The following KCNH1 variants were observed in gnomAD, a reference collection of about 807,000 sequenced individuals.
The protein encoded by KCNH1 is potassium voltage-gated channel subfamily H member 1.
In KCNH1, 27 loss-of-function variants were observed where a neutral mutation model predicts 69.2. The observed-to-expected ratio is 0.39, with a 90% CI of 0.29 to 0.54. The LOEUF (loss-of-function observed/expected upper bound fraction) is 0.54. KCNH1 is among the 20% of genes least tolerant of loss of function. The pLI is 0.68. For synonymous variants in KCNH1, 456 were observed against 487.7 expected (o/e 0.93, Z 0.86); for missense variants, 798 against 1,261.6 (o/e 0.63, Z 5.57).
At chr1:210,932,627 G>A (rs1687698411) in intron 6 of KCNH1, among the ~76,000 whole-genome samples, 1 of 151,798 alleles carries the variant, frequency 6.6e-6, no homozygotes, top group African/African-American at 2.4e-5. Context: ...CACTTCACCT[G>A]TAAAAACACA....
At chr1:210,794,655 A>G (rs1934613) in intron 9 of KCNH1, among the ~76,000 whole-genome samples, 26,854 of 152,162 alleles carry the variant, frequency 0.18, 2,557 homozygotes, top group African/African-American at 0.25. Flanking sequence ...CTAGGTGTTC[A>G]AACCAACTCC....
chr1:210,961,394 C>G (rs184934023), intron 6 of KCNH1, among the ~76,000 whole-genome samples: 1 of 151,384 alleles, frequency 6.6e-6, no homozygotes, highest in African/African-American at 2.4e-5. Flanking sequence ...CTAATTTTTT[C>G]TTCTCTATTT....
intron 10 of KCNH1, among the ~76,000 whole-genome samples, chr1:210,739,107 T>G (rs1034633798): frequency 6.6e-6 from 1 of 152,230 alleles, no homozygotes; most frequent in African/African-American, 2.4e-5. Context: ...TCTACTGATA[T>G]TCTAGGAATG....
At chr1:211,112,727 A>C (rs1029158817) in intron 1 of KCNH1, among the ~76,000 whole-genome samples, 2 of 152,146 alleles carry the variant, frequency 1.3e-5, no homozygotes, top group Non-Finnish European at 1.5e-5. Context: ...CCATGATAGA[A>C]GGTCTAGGAA....
At chr1:211,021,889 G>A (rs994746680) in intron 5 of KCNH1, among the ~76,000 whole-genome samples, 2 of 152,060 alleles carry the variant, frequency 1.3e-5, no homozygotes, top group African/African-American at 4.8e-5. Flanking sequence ...TTATTACAAT[G>A]TGCAATTACC....
At chr1:211,106,160 A>T (rs1217061833) in intron 2 of KCNH1, among the ~76,000 whole-genome samples, 1 of 152,190 alleles carries the variant, frequency 6.6e-6, no homozygotes, top group Non-Finnish European at 1.5e-5. Flanking sequence ...GAATGATTCC[A>T]CTTCATGCAA....
At chr1:210,820,548 TGCTTGAACCCAG>T (rs1418935055) in intron 7 of KCNH1, among the ~76,000 whole-genome samples, 1 of 152,034 alleles carries the variant, frequency 6.6e-6, no homozygotes, top group East Asian at 1.9e-4. Context: ...GCAGGAGAAT[TGCTTGAACCCAG>T]GAGGCAGAGG....
intron 7 of KCNH1, among the ~76,000 whole-genome samples, chr1:210,852,293 G>C (rs990833440): frequency 6.6e-6 from 1 of 152,214 alleles, no homozygotes; most frequent in African/African-American, 2.4e-5. Context: ...AAGCTCAAGT[G>C]TTTGGAGCTG....
chr1:210,734,742 C>T (rs559005199), intron 10 of KCNH1, among the ~76,000 whole-genome samples: 1 of 152,062 alleles, frequency 6.6e-6, no homozygotes, highest in South Asian at 2.1e-4. Flanking sequence ...TGATGGCTGA[C>T]CTGCTCATGG....
At chr1:210,747,872 T>C (rs1453184920) in intron 10 of KCNH1, among the ~76,000 whole-genome samples, 1 of 152,210 alleles carries the variant, frequency 6.6e-6, no homozygotes, top group Non-Finnish European at 1.5e-5. Context: ...AGCTGCACCA[T>C]GTAATAAATA....
chr1:210,693,920 G>A (rs151032121), intron 10 of KCNH1, among the ~76,000 whole-genome samples: 4 of 152,286 alleles, frequency 2.6e-5, no homozygotes, highest in African/African-American at 7.2e-5. Flanking sequence ...ATGGAAGCAT[G>A]TGCAAACCAC....
intron 7 of KCNH1, among the ~76,000 whole-genome samples, chr1:210,834,053 G>A (rs1337729499): frequency 6.6e-6 from 1 of 152,184 alleles, no homozygotes; most frequent in Non-Finnish European, 1.5e-5. Context: ...TGGACAGGAT[G>A]TGGAGAAATA....
chr1:211,035,196 G>A (rs377748264), intron 5 of KCNH1, among the ~76,000 whole-genome samples: 1 of 149,384 alleles, frequency 6.7e-6, no homozygotes, highest in Non-Finnish European at 1.5e-5. Context: ...CCATCTCTAG[G>A]ATGCAGCCTT....
At chr1:211,061,439 C>T (rs1298976324) in intron 5 of KCNH1, among the ~76,000 whole-genome samples, 1 of 152,112 alleles carries the variant, frequency 6.6e-6, no homozygotes, top group Admixed American at 6.6e-5. Context: ...TGTTATTCAA[C>T]ATAGTACTGG....
intron 7 of KCNH1, among the ~76,000 whole-genome samples, chr1:210,836,242 G>A (rs1685280336): frequency 6.6e-6 from 1 of 152,094 alleles, no homozygotes; most frequent in South Asian, 2.1e-4. Context: ...AGAGAGCAGG[G>A]TTTCAATGAC....
rs1381777376 is a variant in KCNH1 at position 211,115,713 on chromosome 1, ATATG to A, written c.80-8340_80-8337del. 8.2e-3 allele frequency among the ~76,000 whole-genome samples: 868 copies of A among 105,256 alleles called. 65 individuals are homozygous for A. The highest frequency in any genetic ancestry group is 0.053 in the South Asian group (137 of 2,576). 69.1% of individuals were successfully genotyped at this position (105,256 alleles called of 152,430 possible). ...TTAATAAACTCCCCTATATATATATATATGTATATATATATATACACACACACAC... is the reference window on the plus strand; with the variant it reads ...TTAATAAACTCCCCTATATATATATATATATATATATATACACACACACAC... On this transcript the variant is annotated intron_variant, in intron 1 of 10. Coordinates refer to ENST00000271751, the MANE Select transcript of KCNH1 (RefSeq NM_172362.3).
At chr1:211,015,533 A>C in intron 6 of KCNH1, among the ~76,000 whole-genome samples, 1 of 150,858 alleles carries the variant, frequency 6.6e-6, no homozygotes, top group African/African-American at 2.4e-5. Flanking sequence ...TTTTCCTCCC[A>C]CCCCAATTAC....
chr1:211,049,472 G>A (rs1285105983), intron 5 of KCNH1, among the ~76,000 whole-genome samples: 1 of 152,174 alleles, frequency 6.6e-6, no homozygotes, highest in Non-Finnish European at 1.5e-5. Flanking sequence ...CTGAAACATA[G>A]GGGGTTTTTT....
At chr1:210,824,422 C>T (rs898611281) in intron 7 of KCNH1, among the ~76,000 whole-genome samples, 1 of 152,006 alleles carries the variant, frequency 6.6e-6, no homozygotes, top group Admixed American at 6.6e-5. Context: ...TAAAAATCCC[C>T]TCACTGCATG....
Sources: allele counts gnomAD v4.1 joint callset (sites outside exome capture counted in the v4.1 genomes callset), GRCh38; gene constraint gnomAD v4.1.1; transcripts MANE v1.5; gene names NCBI Gene and HGNC (gene_info 2026-07-23, HGNC 2026-07-21).